UACA: variants seen among roughly 807,000 people sequenced by gnomAD.
The protein encoded by UACA is nuclear membrane binding protein.
UACA carries 112 observed loss-of-function variants against 160.5 expected under a neutral mutation model. The ratio of observed to expected loss-of-function variants is 0.70; its 90% CI spans 0.60 to 0.82. UACA has a LOEUF of 0.82. UACA is among the 40% of genes least tolerant of loss of function. The pLI, the probability that UACA is intolerant of heterozygous loss-of-function variation, is 0.00. For synonymous variants in UACA, 557 were observed against 568.4 expected (o/e 0.98, Z 0.29); for missense variants, 1,574 against 1,614.6 (o/e 0.97, Z 0.43).
intron 1 of UACA, among the ~76,000 whole-genome samples, chr15:70,720,567 T>C (rs963115850): frequency 6.6e-6 from 1 of 152,212 alleles, no homozygotes; most frequent in African/African-American, 2.4e-5. Flanking sequence ...TTTTAGTTCA[T>C]TGATCTCTGG....
rs377062806 is a variant in UACA at position 70,667,761 on chromosome 15, C to T, written c.2923G>A (p.Asp975Asn). 23 of 1,613,870 alleles carry T rather than the reference C, an allele frequency of 1.4e-5. No individual in the cohort carries two copies. In the African/African-American group the frequency reaches 1.5e-4, roughly 10 times the overall value. The change falls in exon 16 of 19, where the codon GAC (aspartate) becomes AAC (asparagine). Residue 975 changes from aspartate (D) to asparagine (N), a missense_variant. Physicochemically the swap from Asp to Asn is conservative, Grantham distance 23. Transcript: ENST00000322954. Reference protein sequence around the residue: ...AEIKAQKKELDTIQECIKVKY... With the variant: ...AEIKAQKKELNTIQECIKVKY... The stretch of plus-strand genomic sequence containing the variant: ...ACCTTAATGCATTCTTGTATTGTGT[C>T]GAGCTCCTTCTTCTGGGCTTTAATT...
chr15:70,660,494 A>G (rs1896668147), intron 17 of UACA: 1 of 369,288 alleles, frequency 2.7e-6, no homozygotes, highest in South Asian at 5.5e-5. Context: ...ACTTCTGAAG[A>G]CACTTATCAC....
chr15:70,702,325 G>C, intron 1 of UACA: 1 of 992,552 alleles, frequency 1.0e-6, no homozygotes, highest in Non-Finnish European at 1.2e-6. Context: ...GTCCACATCC[G>C]AATTGTCCGG....
chr15:70,777,227 T>G, the UACA span, among the ~76,000 whole-genome samples: 2 of 151,836 alleles, frequency 1.3e-5, no homozygotes, highest in Non-Finnish European at 2.9e-5. Context: ...AGGCTGTGGG[T>G]GGAGAGGGTT....
chr15:70,721,004 T>C (rs917135378), intron 1 of UACA, among the ~76,000 whole-genome samples: 1 of 152,200 alleles, frequency 6.6e-6, no homozygotes, highest in Non-Finnish European at 1.5e-5. Context: ...GTGCAGCCAC[T>C]TGCACAGTCA....
rs1410839490 is a variant in UACA at position 70,667,275 on chromosome 15, T to C, written c.3409A>G (p.Ser1137Gly). The change falls in exon 16 of 19, where the codon AGT (serine) becomes GGT (glycine). Residue 1137 changes from serine to glycine, a missense_variant. Coordinates refer to ENST00000322954, the MANE Select transcript of UACA (RefSeq NM_018003.4). The part of the protein sequence containing the change: ...TIENLKEELK[S>G]MQRCYEKEQQ... Reference sequence around the variant, plus strand: ...TCTTTCTCGTAACACCTTTGCATACTCTTCAGTTCTTCCTTTAGATTTTCA... The same window carrying C: ...TCTTTCTCGTAACACCTTTGCATACCCTTCAGTTCTTCCTTTAGATTTTCA... 3.1e-6 allele frequency: 5 copies of C among 1,612,436 alleles called. No homozygotes were observed. The highest frequency in any genetic ancestry group is 1.7e-5 in the Admixed American group (1 of 59,650).
intron 1 of UACA, among the ~76,000 whole-genome samples, chr15:70,711,482 C>A: frequency 7.2e-6 from 1 of 138,528 alleles, no homozygotes. Context: ...ACCAACATGG[C>A]AAAACCATCT....
chr15:70,726,046 T>G (rs1899134918), intron 1 of UACA, among the ~76,000 whole-genome samples: 1 of 152,126 alleles, frequency 6.6e-6, no homozygotes, highest in Admixed American at 6.6e-5. Context: ...AACATCTGAA[T>G]CTTATTCATT....
chr15:70,763,381 C>G lies in UACA; in HGVS notation c.27G>C (p.Arg9Ser), dbSNP rs1374583908. 34 of 1,331,064 alleles carry G rather than the reference C, an allele frequency of 2.6e-5. No individual in the cohort carries two copies. The East Asian group carries it at 1.1e-3, about 42-fold the overall frequency. 82.5% of individuals were successfully genotyped at this position (1,331,064 alleles called of 1,614,324 possible). Residue 9 changes from arginine (R) to serine (S), a missense_variant, in exon 1 of 19, where the codon AGG becomes AGC. By Grantham distance (110) the Arg-to-Ser change is moderately radical. Coordinates refer to ENST00000322954, the MANE Select transcript of UACA (RefSeq NM_018003.4). Reference protein sequence around the residue: MKSLKSRLRRQDVPGPASS... With the variant: MKSLKSRLSRQDVPGPASS... Reference sequence around the variant, plus strand: ...ACGCGGGGCCGGGCACGTCCTGCCTCCTCAGGCGGGACTTGAGGCTCTTCA... The same window carrying G: ...ACGCGGGGCCGGGCACGTCCTGCCTGCTCAGGCGGGACTTGAGGCTCTTCA...
Position 70,667,420 on chromosome 15 carries a change from CT to C in UACA, c.3263del (p.Lys1088SerfsTer2). 6.2e-7 allele frequency: 1 copy of C among 1,610,714 alleles called. No homozygotes were observed. On this transcript the variant is annotated frameshift_variant, in exon 16 of 19. Transcript: ENST00000322954. LOFTEE classifies it high-confidence loss of function. Reference protein sequence around the residue: ...KYTEVKNVKEKLVEENAKQTS... With the variant: ...KYTEVKNVKEXLVEENAKQTS... ...TCTGTTTGGCATTTTCTTCTACTAG[CT>C]TCTCTTTCACATTCTTTACTTCCGT...
At chr15:70,754,242 T>G (rs755967200) in intron 1 of UACA, 35 of 444,240 alleles carry the variant, frequency 7.9e-5, no homozygotes, top group Non-Finnish European at 1.4e-4. Flanking sequence ...CCCCAACTTA[T>G]GATGGTTAGA....
chr15:70,688,767 A>T (rs141068500), intron 5 of UACA, among the ~76,000 whole-genome samples: 87 of 152,300 alleles, frequency 5.7e-4, no homozygotes, highest in African/African-American at 2.0e-3. Context: ...GAAAACTGCA[A>T]ACCACCCAGA....
At chr15:70,686,361 G>C (rs1897716863) in intron 7 of UACA, among the ~76,000 whole-genome samples, 1 of 151,884 alleles carries the variant, frequency 6.6e-6, no homozygotes, top group South Asian at 2.1e-4. Flanking sequence ...CAAAGTAGGG[G>C]CTTCCAAGTC....
In UACA at chr15:70,668,015, A is replaced by G. The variant is rs778478573; in HGVS notation, c.2669T>C (p.Phe890Ser). ...NRELLDVKKK[F>S]EDINQEFVKI... ...TACAAATTCCTGATTTATATCTTCA[A>G]ATTTTTTCTTCACATCTAATAATTC... Residue 890 changes from phenylalanine to serine, a missense_variant, in exon 16 of 19, where the codon TTT (phenylalanine) becomes TCT (serine). Physicochemically the swap from Phe to Ser is radical, Grantham distance 155 (BLOSUM62 -2). Transcript: ENST00000322954. 1.5e-4 allele frequency: 243 copies of G among 1,604,330 alleles called. No individual in the cohort carries two copies. Among genetic ancestry groups the G allele is most frequent in the Non-Finnish European group, 1.9e-4 (222 of 1,176,690 alleles).
At position 70,741,309 on chromosome 15, in the gene UACA, T is replaced by C. The variant is rs535763862; in HGVS notation, c.78+22021A>G. On this transcript the variant is annotated intron_variant, in intron 1 of 18. Coordinates refer to ENST00000322954, the MANE Select transcript of UACA (RefSeq NM_018003.4). The stretch of plus-strand genomic sequence containing the variant: ...TCAGCACTTACATCTTACTCTTCAC[T>C]ATCTCTGTGTCCCTTCAAAGAACCA... 2.0e-5 allele frequency among the ~76,000 whole-genome samples: 3 copies of C among 152,344 alleles called. No homozygotes were observed. The South Asian group carries it at 6.2e-4, about 32-fold the overall frequency.
At chr15:70,737,800 T>A (rs1474535177) in intron 1 of UACA, among the ~76,000 whole-genome samples, 5 of 152,260 alleles carry the variant, frequency 3.3e-5, no homozygotes, top group Non-Finnish European at 7.3e-5. Context: ...ATTAGACATT[T>A]GGATTTTTTG....
intron 1 of UACA, among the ~76,000 whole-genome samples, chr15:70,729,054 A>G (rs1899235675): frequency 6.6e-6 from 1 of 152,292 alleles, no homozygotes; most frequent in African/African-American, 2.4e-5. Flanking sequence ...TGGTAAGGCT[A>G]TGGAGAAAAG....
chr15:70,684,786 A>C (rs7169808), intron 7 of UACA, among the ~76,000 whole-genome samples: 1,622 of 152,224 alleles, frequency 0.011, 30 homozygotes, highest in African/African-American at 0.038. Context: ...CTACTTTAAG[A>C]AGTCATGCCT....
intron 1 of UACA, among the ~76,000 whole-genome samples, chr15:70,761,234 G>C (rs574685522): frequency 8.9e-4 from 136 of 152,302 alleles, no homozygotes; most frequent in Non-Finnish European, 1.4e-3. Flanking sequence ...GGAGGAACAT[G>C]CAAGCAACTG....
Sources: allele counts gnomAD v4.1 joint callset (sites outside exome capture counted in the v4.1 genomes callset), GRCh38; gene constraint gnomAD v4.1.1; transcripts MANE v1.5; gene names NCBI Gene and HGNC (gene_info 2026-07-23, HGNC 2026-07-21).